The following ANGEL2 variants were observed in gnomAD, a reference collection of about 807,000 sequenced individuals.
The protein encoded by ANGEL2 is RNA 2',3'-cyclic phosphatase ANGEL2.
A neutral mutation model predicts 66.0 loss-of-function variants in ANGEL2; 41 were observed. That is an observed-to-expected ratio of 0.62 (90% CI 0.48 to 0.81). ANGEL2 has a LOEUF of 0.81. ANGEL2 is among the 30% of genes least tolerant of loss of function. The pLI is 0.00. For missense variants in ANGEL2, 561 were observed against 641.6 expected, an observed-to-expected ratio of 0.87 and a Z score of 1.36; for synonymous variants, 208 against 226.5, an observed-to-expected ratio of 0.92 and a Z score of 0.73.
chr1:213,014,975 CT>C (rs1304902171), intron 1 of ANGEL2, among the ~76,000 whole-genome samples: 12 of 152,362 alleles, frequency 7.9e-5, no homozygotes, highest in African/African-American at 2.9e-4. Context: ...ATCCAAGACT[CT>C]GCAGACACTG....
intron 2 of ANGEL2, among the ~76,000 whole-genome samples, chr1:213,010,173 C>T (rs1275137230): frequency 6.6e-6 from 1 of 152,108 alleles, no homozygotes; most frequent in Non-Finnish European, 1.5e-5. Context: ...TCTTCCCTAT[C>T]ATTCACTGAA....
intron 7 of ANGEL2, among the ~76,000 whole-genome samples, chr1:212,999,369 G>A (rs1054152688): frequency 5.3e-5 from 8 of 152,206 alleles, no homozygotes; most frequent in African/African-American, 1.4e-4. Context: ...TACTCAAAAC[G>A]AAGTACTTGT....
At chr1:213,014,074 C>T (rs555350971) in intron 1 of ANGEL2, among the ~76,000 whole-genome samples, 2 of 152,274 alleles carry the variant, frequency 1.3e-5, no homozygotes, top group African/African-American at 4.8e-5. Flanking sequence ...TACGAATGCA[C>T]CAACACTCCA....
intron 2 of ANGEL2, among the ~76,000 whole-genome samples, chr1:213,012,077 G>C (rs1240045684): frequency 6.6e-6 from 1 of 152,150 alleles, no homozygotes; most frequent in Non-Finnish European, 1.5e-5. Flanking sequence ...TAACTGTGTA[G>C]CAATAAGTTA....
Position 213,000,894 on chromosome 1 carries a change from A to G in ANGEL2, c.1153T>C (p.Ser385Pro). 6.2e-7 allele frequency: 1 copy of G among 1,612,038 alleles called. No homozygotes were observed. The highest frequency in any genetic ancestry group is 1.1e-5 in the South Asian group (1 of 90,546). The change falls in exon 6 of 9, where the codon TCT becomes CCT. Residue 385 changes from serine to proline, a missense_variant. By Grantham distance (74) the Ser-to-Pro change is moderately conservative (BLOSUM62 -1). Transcript: ENST00000366962. ...PIGKVSGQEQ[S>P]SRGQRILSIP... ...GATAAAATTCTTTGTCCCCGTGAAG[A>G]CTGTTCCTGGCCAGATACCTAAACA...
At chr1:213,012,196 G>T (rs950207895) in intron 2 of ANGEL2, among the ~76,000 whole-genome samples, 2 of 152,214 alleles carry the variant, frequency 1.3e-5, no homozygotes, top group Admixed American at 1.3e-4. Flanking sequence ...ACTAATTCTA[G>T]CTTTGATTTC....
In ANGEL2 at chr1:213,013,120, G is replaced by T; in HGVS notation, c.358C>A (p.Pro120Thr). The T allele has an allele frequency of 6.2e-7, 1 of 1,613,886 alleles. No individual in the cohort carries two copies. Among genetic ancestry groups the T allele is most frequent in the Non-Finnish European group, 8.5e-7 (1 of 1,179,926 alleles). Residue 120 changes from proline to threonine, a missense_variant, in exon 2 of 9, where the codon CCT (proline) becomes ACT (threonine). Physicochemically the swap from Pro to Thr is conservative, Grantham distance 38 (BLOSUM62 -1). Transcript: ENST00000366962. The stretch of plus-strand genomic sequence containing the variant: ...TGGTGTTTTCTTCGTTTTGATGAAG[G>T]CTCATCTCCCTCAGCGTTCATGACG... ...SYVMNAEGDE[P>T]SSKRRKHQGV...
At position 213,008,410 on chromosome 1, in the gene ANGEL2, T is replaced by G. The variant is rs779886548; in HGVS notation, c.442A>C (p.Ile148Leu). ...ICSHDKEKTK[I>L]LGDKNVDPKC... ...GGATCAACATTTTTGTCTCCTAGGATCTTCGTTTTTTCTTTATCATGGCTA... is the reference window on the plus strand; with the variant it reads ...GGATCAACATTTTTGTCTCCTAGGAGCTTCGTTTTTTCTTTATCATGGCTA... The change falls in exon 3 of 9, where the codon ATC becomes CTC. Residue 148 changes from isoleucine (I) to leucine (L), a missense_variant. Coordinates refer to ENST00000366962, the MANE Select transcript of ANGEL2 (RefSeq NM_144567.5). 1.9e-6 allele frequency: 3 copies of G among 1,614,122 alleles called. No individual in the cohort carries two copies. The highest frequency in any genetic ancestry group is 2.5e-6 in the Non-Finnish European group (3 of 1,180,000).
At position 213,015,813 on chromosome 1, in the gene ANGEL2, G is replaced by A; in HGVS notation, c.-142C>T. On this transcript the variant is annotated 5_prime_UTR_variant, in exon 1 of 9. Transcript: ENST00000366962. ...TCCTGGCTGCAAGGCATGCTGGGAG[G>A]TGCAGTCTCGCCGGCCGGCCTACAC... is the stretch of plus-strand genomic sequence containing the variant. 3.6e-6 allele frequency: 4 copies of A among 1,110,798 alleles called. No homozygotes were observed. The highest frequency in any genetic ancestry group is 5.2e-6 in the Non-Finnish European group (4 of 770,574). 68.8% of individuals were successfully genotyped at this position (1,110,798 alleles called of 1,614,324 possible). A position where few individuals can be genotyped will look rare whatever the true frequency, so the allele number is the denominator to read the frequency against.
At chr1:212,995,510 T>C (rs2148127033) in intron 8 of ANGEL2, among the ~76,000 whole-genome samples, 1 of 152,336 alleles carries the variant, frequency 6.6e-6, no homozygotes, top group South Asian at 2.1e-4. Context: ...CCAGCAACCA[T>C]TCTGTAGTTG....
At position 213,013,135 on chromosome 1, in the gene ANGEL2, C is replaced by T. The variant is rs774737293; in HGVS notation, c.343G>A (p.Ala115Thr). The T allele has an allele frequency of 3.1e-6, 5 of 1,613,992 alleles. No homozygotes were observed. Among genetic ancestry groups the T allele is most frequent in the East Asian group, 2.2e-5 (1 of 44,894 alleles). ...LIHLSSYVMN[A>T]EGDEPSSKRR... ...TTTGATGAAGGCTCATCTCCCTCAG[C>T]GTTCATGACGTAACTAGAGAGATGA... Residue 115 changes from alanine (A) to threonine (T), a missense_variant, in exon 2 of 9, where the codon GCT becomes ACT. Coordinates refer to ENST00000366962, the MANE Select transcript of ANGEL2 (RefSeq NM_144567.5).
intron 2 of ANGEL2, among the ~76,000 whole-genome samples, chr1:213,010,889 A>G (rs1311542300): frequency 6.6e-6 from 1 of 152,146 alleles, no homozygotes; most frequent in African/African-American, 2.4e-5. Flanking sequence ...CTCTTTTTGC[A>G]ATTCCATTTT....
intron 1 of ANGEL2, chr1:213,015,144 C>G (rs1051730480): frequency 1.0e-6 from 1 of 998,484 alleles, no homozygotes; most frequent in African/African-American, 1.7e-5. Context: ...TTGAAAGACA[C>G]TAACACATCA....
At chr1:213,015,491 C>T (rs2076620409) in intron 1 of ANGEL2, 122 bp downstream of exon 1, 1 of 1,496,778 alleles carries the variant, frequency 6.7e-7, no homozygotes, top group South Asian at 1.3e-5. Context: ...CGCCCAGACC[C>T]TCTTCCTCTT....
chr1:213,005,865 C>T (rs544355630), intron 4 of ANGEL2, among the ~76,000 whole-genome samples: 4 of 152,270 alleles, frequency 2.6e-5, no homozygotes, highest in African/African-American at 4.8e-5. Flanking sequence ...CTTTCCCTTG[C>T]TATTTCTGTT....
chr1:213,000,286 T>G (rs79201047), intron 7 of ANGEL2, 40 bp downstream of exon 7: 1 of 1,555,610 alleles, frequency 6.4e-7, no homozygotes, highest in Non-Finnish European at 8.8e-7. Flanking sequence ...TTTATTCAAC[T>G]AAAGTTAGCA....
chr1:213,007,278 A>G lies in ANGEL2; in HGVS notation c.643-80T>C, dbSNP rs1324435935. 38 of 1,138,902 alleles carry G rather than the reference A, an allele frequency of 3.3e-5. No individual in the cohort carries two copies. In the Admixed American group the frequency reaches 3.9e-4, roughly 12 times the overall value. The allele number at this position is 1,138,902 out of a possible 1,614,324, so 70.5% of individuals were successfully genotyped here. A position where few individuals can be genotyped will look rare whatever the true frequency, so the allele number is the denominator to read the frequency against. On this transcript the variant is annotated intron_variant, in intron 3 of 8. Coordinates refer to ENST00000366962, the MANE Select transcript of ANGEL2 (RefSeq NM_144567.5). Reference sequence around the variant, plus strand: ...CTGGTGCTTTTATCTTAAAATATCTAAAAGCAGGCTTCTAAAATTCCACAC... The same window carrying G: ...CTGGTGCTTTTATCTTAAAATATCTGAAAGCAGGCTTCTAAAATTCCACAC...
intron 4 of ANGEL2, chr1:213,006,877 C>T: frequency 2.5e-6 from 1 of 394,220 alleles, no homozygotes; most frequent in Non-Finnish European, 4.5e-6. Context: ...TTTAATGACA[C>T]ATGAATTTTC....
At chr1:213,004,662 G>T (rs536224600) in intron 5 of ANGEL2, among the ~76,000 whole-genome samples, 1 of 152,014 alleles carries the variant, frequency 6.6e-6, no homozygotes, top group South Asian at 2.1e-4. Flanking sequence ...GACGTAAGGA[G>T]TTCGAGACCA....
Sources: gnomAD v4.1 joint callset for allele counts (sites outside exome capture counted in the v4.1 genomes callset) on GRCh38, gnomAD v4.1.1 for gene constraint, MANE v1.5 for transcripts, NCBI Gene and HGNC (gene_info 2026-07-23, HGNC 2026-07-21) for gene names.